ADAMTS10: variants seen among roughly 807,000 people sequenced by gnomAD.
ADAMTS10 encodes ADAM metallopeptidase with thrombospondin type 1 motif 10.
Under a neutral mutation model 135.9 loss-of-function variants are expected in ADAMTS10, and 48 were observed. The observed-to-expected ratio is 0.35, with a 90% CI of 0.28 to 0.45. The LOEUF (loss-of-function observed/expected upper bound fraction) is 0.45. Ranked by LOEUF, ADAMTS10 falls within the 20% of genes least tolerant of loss-of-function variation. The probability of loss-of-function intolerance (pLI) is 1.00; values close to 1 mark genes in which losing one functional copy is unlikely to be tolerated. For synonymous variants in ADAMTS10, 621 were observed against 647.5 expected (o/e 0.96, Z 0.62); for missense variants, 1,131 against 1,565.2 (o/e 0.72, Z 4.68).
rs138620046 is a variant in ADAMTS10 at position 8,596,145 on chromosome 19, G to A, written c.1265C>T (p.Ala422Val). ...RGQDPAKLMA[A>V]HITMKTNPFV... ...TGGGTTGGTCTTCATGGTAATGTGG[G>A]CAGCCATGAGCTTGGCTGGGTCCTG... The change falls in exon 11 of 26, where the codon GCC becomes GTC. Residue 422 changes from alanine to valine, a missense_variant. Ala to Val is a moderately conservative substitution (Grantham distance 64). Transcript: ENST00000597188. The surrounding 1 kb of genome is among the most constrained non-coding windows in gnomAD (Gnocchi z 7.2). 983 of 1,614,064 alleles carry A rather than the reference G, an allele frequency of 6.1e-4. 1 individual carries two copies. The highest frequency in any genetic ancestry group is 7.9e-4 in the Non-Finnish European group (936 of 1,180,046).
chr19:8,592,207 C>CTGGGATGGGG lies in ADAMTS10; in HGVS notation c.1588-105_1588-104insCCCCATCCCA, dbSNP rs782224799. 1.2e-5 allele frequency: 14 copies of CTGGGATGGGG among 1,168,632 alleles called. No individual in the cohort carries two copies. The East Asian group carries it at 3.5e-4, about 30-fold the overall frequency. 72.4% of individuals were successfully genotyped at this position (1,168,632 alleles called of 1,614,324 possible). On this transcript the variant is annotated intron_variant, in intron 13 of 25. Coordinates refer to ENST00000597188, the MANE Select transcript of ADAMTS10 (RefSeq NM_030957.4). ...GCCCCAGCCAGAGATATCAGCCTCTCCGGGATGGGCAGAGGCGGGGTCTGA... is the reference window on the plus strand; with the variant it reads ...GCCCCAGCCAGAGATATCAGCCTCTCTGGGATGGGGCGGGATGGGCAGAGGCGGGGTCTGA...
Position 8,585,291 on chromosome 19 carries a change from C to T in ADAMTS10, c.2883G>A (p.Gly961=). The T allele has an allele frequency of 9.9e-6, 15 of 1,520,822 alleles. No homozygotes were observed. Among genetic ancestry groups the T allele is most frequent in the Non-Finnish European group, 1.2e-5 (14 of 1,134,332 alleles). The allele number at this position is 1,520,822 out of a possible 1,614,324, so 94.2% of individuals were successfully genotyped here. A position where few individuals can be genotyped will look rare whatever the true frequency, so the allele number is the denominator to read the frequency against. Reference sequence around the variant, plus strand: ...GGACCACGCGGTGGCGGAGGCCCGGCCCGCAGCTGGGGGTGCACTGCAGTT... The same window carrying T: ...GGACCACGCGGTGGCGGAGGCCCGGTCCGCAGCTGGGGGTGCACTGCAGTT... ...LDWSECTPSC[G]PGLRHRVVLC... The change falls in exon 24 of 26, where the codon GGG becomes GGA. Residue 961 remains glycine, a synonymous_variant. Transcript: ENST00000597188.
chr19:8,588,551 C>T (rs990754943), intron 18 of ADAMTS10, among the ~76,000 whole-genome samples: 1 of 152,138 alleles, frequency 6.6e-6, no homozygotes, highest in African/African-American at 2.4e-5. Flanking sequence ...TCCTGAGCCT[C>T]CTCCCCTCTT....
rs1568393113 is a variant in ADAMTS10 at position 8,586,336 on chromosome 19, G to A, written c.2530+8C>T. 1.2e-6 allele frequency: 2 copies of A among 1,613,378 alleles called. No homozygotes were observed. Among genetic ancestry groups the A allele is most frequent in the Non-Finnish European group, 8.5e-7 (1 of 1,179,888 alleles). ...GTATCTTGTGCCTTCCCCCACCCCC[G>A]GCCTCACCGCCTGCACACTGGGCCG... On this transcript the variant is annotated splice_region_variant and intron_variant, in intron 21 of 25. Coordinates refer to ENST00000597188, the MANE Select transcript of ADAMTS10 (RefSeq NM_030957.4).
rs1600087210 is a variant in ADAMTS10 at position 8,580,787 on chromosome 19, A to G, written c.*106T>C. On this transcript the variant is annotated 3_prime_UTR_variant, in exon 26 of 26. Coordinates refer to ENST00000597188, the MANE Select transcript of ADAMTS10 (RefSeq NM_030957.4). ...AATAAATAACTTCCGGCTCCGTCTC[A>G]CCCTTCCCTCCCAGTTCCCGCCCCC... is the stretch of plus-strand genomic sequence containing the variant. 1.2e-6 allele frequency: 1 copy of G among 861,948 alleles called. No individual in the cohort carries two copies. Among genetic ancestry groups the G allele is most frequent in the South Asian group, 1.5e-5 (1 of 67,102 alleles). 53.4% of individuals were successfully genotyped at this position (861,948 alleles called of 1,614,324 possible). A position where few individuals can be genotyped will look rare whatever the true frequency, so the allele number is the denominator to read the frequency against.
chr19:8,589,350 G>A lies in ADAMTS10; in HGVS notation c.2050C>T (p.Arg684Ter). 6.2e-7 allele frequency: 1 copy of A among 1,612,208 alleles called. No homozygotes were observed. Among genetic ancestry groups the A allele is most frequent in the Non-Finnish European group, 8.5e-7 (1 of 1,179,918 alleles). ...TCCCGCAGGTCGGAGCCCAGGACTCGGTCGCAGCCCACGTGCTGCGTGGAG... is the reference window on the plus strand; with the variant it reads ...TCCCGCAGGTCGGAGCCCAGGACTCAGTCGCAGCCCACGTGCTGCGTGGAG... ...SGECKHVGCD[R>*]VLGSDLREDK... is the part of the protein sequence containing the mutation. Residue 684 changes from arginine to a stop codon, truncating the protein, a stop_gained, in exon 18 of 26, where the codon CGA (arginine) becomes TGA (stop). Coordinates refer to ENST00000597188, the MANE Select transcript of ADAMTS10 (RefSeq NM_030957.4). LOFTEE classifies it high-confidence loss of function.
intron 15 of ADAMTS10, 115 bp from the exon 16 acceptor site, chr19:8,590,106 G>A: frequency 2.6e-6 from 2 of 758,498 alleles, no homozygotes; most frequent in Admixed American, 2.0e-5. Flanking sequence ...GGGAGGCCAG[G>A]GAGGAGGCTG....
At chr19:8,588,934 G>A (rs1170495010) in intron 18 of ADAMTS10, among the ~76,000 whole-genome samples, 1 of 152,094 alleles carries the variant, frequency 6.6e-6, no homozygotes, top group Admixed American at 6.6e-5. Context: ...TGGGATTACA[G>A]GTGCTCGCCA....
At chr19:8,599,249 G>A (rs1234695027) in intron 6 of ADAMTS10, among the ~76,000 whole-genome samples, 1 of 152,142 alleles carries the variant, frequency 6.6e-6, no homozygotes, top group Non-Finnish European at 1.5e-5. Flanking sequence ...AGGTGCTTGT[G>A]CAAGAATGCT....
At position 8,601,314 on chromosome 19, in the gene ADAMTS10, G is replaced by C. The variant is rs370249140; in HGVS notation, c.593-169C>G. Among the ~76,000 whole-genome samples, 2 of 151,764 alleles carry C rather than the reference G, an allele frequency of 1.3e-5. No individual in the cohort carries two copies. The highest frequency in any genetic ancestry group is 4.8e-5 in the African/African-American group (2 of 41,294). The stretch of plus-strand genomic sequence containing the variant: ...CTTGTTGTCCAGCTACCTGTGTGAT[G>C]GTCTGTCTGCCCAATGGGCTGCCAA... On this transcript the variant is annotated intron_variant, in intron 5 of 25. Transcript: ENST00000597188. The surrounding 1 kb of genome is among the most constrained non-coding windows in gnomAD (Gnocchi z 4.6).
chr19:8,589,804 C>T (rs536670021), intron 16 of ADAMTS10, 85 bp downstream of exon 16: 166 of 1,469,228 alleles, frequency 1.1e-4, no homozygotes, highest in South Asian at 1.1e-3. Context: ...GGGCAGACCC[C>T]GGGATGCTGC....
intron 1 of ADAMTS10, among the ~76,000 whole-genome samples, chr19:8,608,728 C>A (rs1299627584): frequency 6.6e-5 from 10 of 152,052 alleles, no homozygotes; most frequent in Non-Finnish European, 1.2e-4. Context: ...CCCCCTAAGA[C>A]CCTCAGTCCT....
rs144993590 is a variant in ADAMTS10 at position 8,603,807 on chromosome 19, C to T, written c.513G>A (p.Pro171=). 9.0e-5 allele frequency: 146 copies of T among 1,614,122 alleles called. No individual in the cohort carries two copies. Among genetic ancestry groups the T allele is most frequent in the African/African-American group, 3.7e-4 (28 of 75,024 alleles). The change falls in exon 5 of 26, where the codon CCG becomes CCA. Residue 171 remains proline (P), a synonymous_variant. Coordinates refer to ENST00000597188, the MANE Select transcript of ADAMTS10 (RefSeq NM_030957.4). ...LHGGPKGSRS[P]EESGPHVVYK... ...ACACCACATGTGGTCCACTTTCCTC[C>T]GGGCTCCGAGAACCCTTGGGCCCAC...
rs2042496365 is a variant in ADAMTS10 at position 8,589,752 on chromosome 19, G to A, written c.1900+137C>T. The A allele has an allele frequency of 7.2e-6, 10 of 1,388,438 alleles. No individual in the cohort carries two copies. The East Asian group carries it at 7.3e-5, about 10-fold the overall frequency. 86.0% of individuals were successfully genotyped at this position (1,388,438 alleles called of 1,614,324 possible). A position where few individuals can be genotyped will look rare whatever the true frequency, so the allele number is the denominator to read the frequency against. On this transcript the variant is annotated intron_variant, in intron 16 of 25. Coordinates refer to ENST00000597188, the MANE Select transcript of ADAMTS10 (RefSeq NM_030957.4). ...CGTCACGTTGAACCCCCATGGTACCGTATCCCAGGTACTCTGTCTCCCCGG... is the reference window on the plus strand; with the variant it reads ...CGTCACGTTGAACCCCCATGGTACCATATCCCAGGTACTCTGTCTCCCCGG...
In ADAMTS10 at chr19:8,586,201, C is replaced by T; in HGVS notation, c.2581G>A (p.Val861Ile). 1 of 1,612,752 alleles carries T rather than the reference C, an allele frequency of 6.2e-7. No individual in the cohort carries two copies. Among genetic ancestry groups the T allele is most frequent in the Non-Finnish European group, 8.5e-7 (1 of 1,179,948 alleles). The change falls in exon 22 of 26, where the codon GTC becomes ATC. Residue 861 changes from valine (V) to isoleucine (I), a missense_variant. By Grantham distance (29) the Val-to-Ile change is conservative (BLOSUM62 3). Transcript: ENST00000597188. ...TGGGCACTGCAGTAGTGGGGGGCGACCGCGGAGCTGTCCAGCTGGTTGCGG... is the reference window on the plus strand; with the variant it reads ...TGGGCACTGCAGTAGTGGGGGGCGATCGCGGAGCTGTCCAGCTGGTTGCGG... ...ECRNQLDSSA[V>I]APHYCSAHSK...
At chr19:8,592,633 G>A (rs1450843139) in intron 13 of ADAMTS10, 130 bp downstream of exon 13, 12 of 947,316 alleles carry the variant, frequency 1.3e-5, no homozygotes, top group Non-Finnish European at 1.6e-6. Flanking sequence ...AGCCGAGGGA[G>A]CACAAATGGC....
chr19:8,586,438 G>C lies in ADAMTS10; in HGVS notation c.2436C>G (p.Arg812=). The C allele has an allele frequency of 6.2e-7, 1 of 1,613,952 alleles. No homozygotes were observed. The highest frequency in any genetic ancestry group is 8.5e-7 in the Non-Finnish European group (1 of 1,180,006). ...VLARTELPAL[R]YRFNAPIARD... Reference sequence around the variant, plus strand: ...GGGCGATGGGGGCATTGAAGCGGTAGCGGAGGGCAGGCAGCTCGGTCCGGG... The same window carrying C: ...GGGCGATGGGGGCATTGAAGCGGTACCGGAGGGCAGGCAGCTCGGTCCGGG... The change falls in exon 21 of 26, where the codon CGC becomes CGG. Residue 812 remains arginine (R), a synonymous_variant. Coordinates refer to ENST00000597188, the MANE Select transcript of ADAMTS10 (RefSeq NM_030957.4).
At position 8,595,751 on chromosome 19, in the gene ADAMTS10, ACT is replaced by A; in HGVS notation, c.1479+9_1479+10del. 1 of 1,579,360 alleles carries A rather than the reference ACT, an allele frequency of 6.3e-7. No homozygotes were observed. The highest frequency in any genetic ancestry group is 8.6e-7 in the Non-Finnish European group (1 of 1,159,372). On this transcript the variant is annotated intron_variant, in intron 12 of 25. Transcript: ENST00000597188. ...CCCTCCCAGGAAGGAAAGCAGGAAG[ACT>A]CTCTCTACCCCGTATTTACACTGAC...
At chr19:8,592,594 G>A (rs1355469462) in intron 13 of ADAMTS10, among the ~76,000 whole-genome samples, 169 bp downstream of exon 13, 1 of 152,112 alleles carries the variant, frequency 6.6e-6, no homozygotes, top group East Asian at 1.9e-4. Flanking sequence ...TGGCCAACGC[G>A]GGAAGGAGCA....
Sources: allele counts gnomAD v4.1 joint callset (sites outside exome capture counted in the v4.1 genomes callset), GRCh38; gene constraint gnomAD v4.1.1; non-coding constraint Gnocchi (gnomAD v3.1); transcripts MANE v1.5; gene names NCBI Gene and HGNC (gene_info 2026-07-23, HGNC 2026-07-21).